ADGRL2: variants seen among roughly 807,000 people sequenced by gnomAD.
The protein encoded by ADGRL2 is adhesion G protein-coupled receptor L2, also known as calcium-independent alpha-latrotoxin receptor 2.
ADGRL2 carries 44 observed loss-of-function variants against 157.4 expected under a neutral mutation model. The observed-to-expected ratio is 0.28, with a 90% CI of 0.22 to 0.36. The LOEUF is 0.36. Among genes scored for constraint, ADGRL2 ranks in the 10% least tolerant of loss-of-function variants. The probability of loss-of-function intolerance (pLI) is 1.00; values close to 1 mark genes in which losing one functional copy is unlikely to be tolerated. For missense variants in ADGRL2, 1,510 were observed against 1,768.9 expected, an observed-to-expected ratio of 0.85 and a Z score of 2.63; for synonymous variants, 585 against 624.7, an observed-to-expected ratio of 0.94 and a Z score of 0.95.
At chr1:81,338,128 C>CT (rs1477111807) in intron 1 of ADGRL2, among the ~76,000 whole-genome samples, 1 of 152,094 alleles carries the variant, frequency 6.6e-6, no homozygotes, top group African/African-American at 2.4e-5. Context: ...GTTGGGAGGC[C>CT]TAGGGTGGCA....
intron 3 of ADGRL2, among the ~76,000 whole-genome samples, chr1:81,646,704 G>C (rs553128272): frequency 1.3e-5 from 2 of 152,188 alleles, no homozygotes; most frequent in East Asian, 3.9e-4. Flanking sequence ...TCCTTTTTTG[G>C]AATAATAGAG....
intron 1 of ADGRL2, among the ~76,000 whole-genome samples, chr1:81,720,184 C>T (rs61514421): frequency 0.13 from 16,357 of 121,758 alleles, 1,039 homozygotes; most frequent in South Asian, 0.23. Context: ...TTTTTCTTTT[C>T]TTTTTTTTTT....
At chr1:81,987,359 TA>T in intron 22 of ADGRL2, 1 of 1,403,342 alleles carries the variant, frequency 7.1e-7, no homozygotes, top group South Asian at 1.2e-5. Flanking sequence ...ATCTATATAA[TA>T]TACTGTTCAG....
At chr1:81,864,562 A>G (rs371393357) in intron 2 of ADGRL2, among the ~76,000 whole-genome samples, 2 of 152,186 alleles carry the variant, frequency 1.3e-5, no homozygotes, top group African/African-American at 4.8e-5. Context: ...CCTCATTTGT[A>G]TCTGTTATAT....
chr1:81,352,569 C>T (rs1361439324), intron 1 of ADGRL2, among the ~76,000 whole-genome samples: 1 of 152,026 alleles, frequency 6.6e-6, no homozygotes, highest in Admixed American at 6.5e-5. Context: ...TGTTGTACCT[C>T]GAAATTCTAG....
chr1:81,590,295 CT>C (rs1333494579), intron 3 of ADGRL2, among the ~76,000 whole-genome samples: 1 of 152,120 alleles, frequency 6.6e-6, no homozygotes, highest in African/African-American at 2.4e-5. Flanking sequence ...TTTTCTATCT[CT>C]TTTGATTATG....
chr1:81,653,034 T>C (rs1429381467), intron 3 of ADGRL2, among the ~76,000 whole-genome samples: 1 of 152,216 alleles, frequency 6.6e-6, no homozygotes, highest in Non-Finnish European at 1.5e-5. Flanking sequence ...TGGTGTTATC[T>C]AACATATTCC....
intron 1 of ADGRL2, among the ~76,000 whole-genome samples, chr1:81,353,228 G>A (rs975752378): frequency 1.3e-5 from 2 of 152,144 alleles, no homozygotes; most frequent in Non-Finnish European, 1.5e-5. Flanking sequence ...AGACTGCATT[G>A]CCATGAAAGG....
At chr1:81,835,975 A>G (rs964829082) in intron 1 of ADGRL2, among the ~76,000 whole-genome samples, 5 of 152,164 alleles carry the variant, frequency 3.3e-5, no homozygotes, top group Non-Finnish European at 7.4e-5. Flanking sequence ...TACTGCTAAT[A>G]GCATCCCGTG....
intron 2 of ADGRL2, among the ~76,000 whole-genome samples, chr1:81,838,150 T>A (rs1406861373): frequency 6.6e-6 from 1 of 151,986 alleles, no homozygotes; most frequent in African/African-American, 2.4e-5. Context: ...GTAATAAGCT[T>A]CAAAATGTTA....
chr1:81,863,819 C>T (rs1315388383), intron 2 of ADGRL2, among the ~76,000 whole-genome samples: 1 of 152,156 alleles, frequency 6.6e-6, no homozygotes, highest in Non-Finnish European at 1.5e-5. Context: ...CTGACCCAAA[C>T]TTACTGAATT....
At chr1:81,701,065 G>T (rs980344037) in intron 1 of ADGRL2, among the ~76,000 whole-genome samples, 1 of 152,166 alleles carries the variant, frequency 6.6e-6, no homozygotes, top group Non-Finnish European at 1.5e-5. Context: ...CGGCACACAC[G>T]GTGCCTGCAG....
intron 3 of ADGRL2, among the ~76,000 whole-genome samples, chr1:81,936,057 A>G (rs1251299933): frequency 6.6e-6 from 1 of 151,984 alleles, no homozygotes; most frequent in East Asian, 1.9e-4. Context: ...ATGAATAGAA[A>G]GAGTAACAAT....
chr1:81,409,035 G>A (rs1300375010), intron 1 of ADGRL2, among the ~76,000 whole-genome samples: 2 of 152,188 alleles, frequency 1.3e-5, no homozygotes, highest in African/African-American at 2.4e-5. Context: ...TGTGAAAAAT[G>A]CTGATTCCAT....
chr1:81,656,103 T>C (rs1201238104), intron 3 of ADGRL2, among the ~76,000 whole-genome samples: 2 of 152,206 alleles, frequency 1.3e-5, no homozygotes, highest in East Asian at 1.9e-4. Context: ...TTGTCTTCTA[T>C]CTCCCACTAG....
At chr1:81,486,220 C>CTCTGG (rs2078496662) in intron 2 of ADGRL2, among the ~76,000 whole-genome samples, 1 of 152,156 alleles carries the variant, frequency 6.6e-6, no homozygotes, top group African/African-American at 2.4e-5. Context: ...ACATTTTTCT[C>CTCTGG]TCTGGTCTTT....
rs147920563 is a variant in ADGRL2 at position 81,966,162 on chromosome 1, G to A, written c.2122G>A (p.Val708Ile). The A allele has an allele frequency of 1.1e-5, 18 of 1,613,988 alleles. No individual in the cohort carries two copies. The highest frequency in any genetic ancestry group is 3.3e-5 in the Admixed American group (2 of 60,000). The part of the protein sequence containing the change: ...GSSIQLSANT[V>I]KQNSRNGLAK... ...CTCAATCCAACTGTCCGCAAATACCGTCAAACAGAACAGCAGGAATGGTAA... is the reference window on the plus strand; with the variant it reads ...CTCAATCCAACTGTCCGCAAATACCATCAAACAGAACAGCAGGAATGGTAA... The change falls in exon 12 of 24, where the codon GTC (valine) becomes ATC (isoleucine). Residue 708 changes from valine (V) to isoleucine (I), a missense_variant. Val to Ile is a conservative substitution (Grantham distance 29, BLOSUM62 3). Around this residue, in one of 4 missense-constraint regions of ADGRL2, gnomAD observed 497 missense variants for 627.2 expected, o/e 0.79. Transcript: ENST00000686636.
intron 3 of ADGRL2, among the ~76,000 whole-genome samples, chr1:81,646,752 G>A (rs1271472490): frequency 6.6e-6 from 1 of 152,152 alleles, no homozygotes; most frequent in Non-Finnish European, 1.5e-5. Context: ...TATTGCCTCT[G>A]AGGAAGGTCT....
chr1:81,828,928 T>G (rs957712376), intron 1 of ADGRL2, among the ~76,000 whole-genome samples: 2 of 152,044 alleles, frequency 1.3e-5, no homozygotes, highest in Non-Finnish European at 2.9e-5. Flanking sequence ...TCATTTTTTT[T>G]GGGACGAAGT....
Sources: allele counts gnomAD v4.1 joint callset (sites outside exome capture counted in the v4.1 genomes callset), GRCh38; gene constraint gnomAD v4.1.1; regional missense constraint gnomAD v4.1.1; transcripts MANE v1.5; gene names NCBI Gene and HGNC (gene_info 2026-07-23, HGNC 2026-07-21).